FRAS1: variants seen among roughly 807,000 people sequenced by gnomAD.
FRAS1 encodes the protein Fraser extracellular matrix complex subunit 1.
A neutral mutation model predicts 435.2 loss-of-function variants in FRAS1; 290 were observed. The ratio of observed to expected loss-of-function variants is 0.67; its 90% CI spans 0.61 to 0.73. The LOEUF is 0.73. Ranked by LOEUF, FRAS1 falls within the 30% of genes least tolerant of loss-of-function variation. The probability of loss-of-function intolerance (pLI) is 0.00; values close to 1 mark genes in which losing one functional copy is unlikely to be tolerated. For missense variants in FRAS1, 4,860 were observed against 5,001.5 expected (o/e 0.97, Z 0.85); for synonymous variants, 1,800 against 1,851.0 (o/e 0.97, Z 0.71).
At chr4:78,479,956 G>C (rs1267566023) in intron 56 of FRAS1, among the ~76,000 whole-genome samples, 1 of 152,102 alleles carries the variant, frequency 6.6e-6, no homozygotes, top group East Asian at 1.9e-4. Flanking sequence ...TGGGTACATA[G>C]TAAGTGTATA....
chr4:78,267,391 A>T lies in FRAS1; in HGVS notation c.940A>T (p.Thr314Ser), dbSNP rs1726419487. 2 of 1,613,770 alleles carry T rather than the reference A, an allele frequency of 1.2e-6. No homozygotes were observed. Among genetic ancestry groups the T allele is most frequent in the Non-Finnish European group, 1.7e-6 (2 of 1,179,854 alleles). Residue 314 changes from threonine (T) to serine (S), a missense_variant, in exon 9 of 74, where the codon ACC (threonine) becomes TCC (serine). Transcript: ENST00000512123. ...EFCMCDHGQV[T>S]CQTGECAKVE... ...CTGCATGTGTGATCATGGCCAAGTG[A>T]CCTGCCAGACTGGAGAGTGTGCCAA...
chr4:78,446,203 G>C, intron 42 of FRAS1: 16 of 997,286 alleles, frequency 1.6e-5, no homozygotes, highest in Non-Finnish European at 1.8e-5. Flanking sequence ...ATAAATCTCA[G>C]AATGAAATAC....
intron 61 of FRAS1, among the ~76,000 whole-genome samples, chr4:78,500,293 T>C (rs1053259261): frequency 6.6e-6 from 1 of 152,202 alleles, no homozygotes; most frequent in African/African-American, 2.4e-5. Flanking sequence ...TTACTACATC[T>C]GAAAGGCACA....
intron 69 of FRAS1, among the ~76,000 whole-genome samples, chr4:78,524,386 C>T (rs10006660): frequency 0.37 from 56,134 of 152,016 alleles, 10,580 homozygotes; most frequent in South Asian, 0.54. Flanking sequence ...ATATCAAGAC[C>T]GTAGTTGTTC....
intron 47 of FRAS1, among the ~76,000 whole-genome samples, chr4:78,458,006 C>A (rs1719258072): frequency 6.6e-6 from 1 of 152,164 alleles, no homozygotes; most frequent in Non-Finnish European, 1.5e-5. Flanking sequence ...GCCCGTGTGG[C>A]TTGGACAGAT....
At chr4:78,190,631 ATTCCC>A (rs550088968) in intron 2 of FRAS1, among the ~76,000 whole-genome samples, 91 of 90,474 alleles carry the variant, frequency 1.0e-3, no homozygotes, top group African/African-American at 3.7e-3. Flanking sequence ...CTTCCCTTCC[ATTCCC>A]TTCCCTTCCC....
At chr4:78,500,422 A>G (rs1164230053) in intron 61 of FRAS1, among the ~76,000 whole-genome samples, 2 of 152,222 alleles carry the variant, frequency 1.3e-5, no homozygotes, top group African/African-American at 4.8e-5. Flanking sequence ...CGTTCAGGTC[A>G]TAGATCACAG....
chr4:78,063,837 T>G (rs1739869393), intron 1 of FRAS1, among the ~76,000 whole-genome samples: 1 of 152,200 alleles, frequency 6.6e-6, no homozygotes, highest in Non-Finnish European at 1.5e-5. Flanking sequence ...AAATTTTGTT[T>G]GTGTTTTTTC....
chr4:78,057,673 G>C lies in FRAS1; in HGVS notation c.-337G>C, dbSNP rs1739532062. The C allele has an allele frequency of 2.7e-6, 1 of 375,274 alleles. No individual in the cohort carries two copies. The highest frequency in any genetic ancestry group is 4.2e-5 in the Admixed American group (1 of 24,080). 23.2% of individuals were successfully genotyped at this position (375,274 alleles called of 1,614,324 possible). On this transcript the variant is annotated 5_prime_UTR_variant, in exon 1 of 74. Transcript: ENST00000512123. This position sits in a 1 kb window ranked among gnomAD's most constrained non-coding sequence, Gnocchi z 4.2. The stretch of plus-strand genomic sequence containing the variant: ...GAGGGAAATGCTGGAAGATCCCATC[G>C]GCCAGTGACCAGCAACTTTCCGGCG...
rs997104105 is a variant in FRAS1, at chr4:78,438,958, C to T, written c.5423C>T (p.Ser1808Phe). 3.5e-5 allele frequency: 56 copies of T among 1,612,878 alleles called. No individual in the cohort carries two copies. Among genetic ancestry groups the T allele is most frequent in the Non-Finnish European group, 4.7e-5 (56 of 1,179,498 alleles). Reference sequence around the variant, plus strand: ...CTGGTTACTGATAGCTTCTATTTCTCTGTCTCTGACATGGACCACAACCAT... The same window carrying T: ...CTGGTTACTGATAGCTTCTATTTCTTTGTCTCTGACATGGACCACAACCAT... ...GHLVTDSFYF[S>F]VSDMDHNHLD... Residue 1808 changes from serine to phenylalanine, a missense_variant, in exon 40 of 74, where the codon TCT (serine) becomes TTT (phenylalanine). Coordinates refer to ENST00000512123, the MANE Select transcript of FRAS1 (RefSeq NM_025074.7).
At chr4:78,540,494 T>C (rs745724267) in intron 73 of FRAS1, 37 bp from the exon 74 acceptor site, 2 of 1,371,938 alleles carry the variant, frequency 1.5e-6, no homozygotes, top group Middle Eastern at 1.9e-4. Context: ...AGGTGGTCTG[T>C]GGGCAACAAC....
At chr4:78,116,632 A>G (rs1488440790) in intron 2 of FRAS1, among the ~76,000 whole-genome samples, 7 of 152,060 alleles carry the variant, frequency 4.6e-5, no homozygotes, top group African/African-American at 1.4e-4. Context: ...AGTCTGTTTT[A>G]TCAGAGACTA....
intron 2 of FRAS1, among the ~76,000 whole-genome samples, chr4:78,092,660 G>A (rs1217866674): frequency 6.6e-6 from 1 of 152,184 alleles, no homozygotes; most frequent in Non-Finnish European, 1.5e-5. Flanking sequence ...CCATATCATA[G>A]GCATTTCATA....
rs1721038454 is a variant in FRAS1 at position 78,511,489 on chromosome 4, T to C, written c.9996T>C (p.His3332=). 1.9e-6 allele frequency: 3 copies of C among 1,613,448 alleles called. No individual in the cohort carries two copies. The East Asian group carries it at 6.7e-5, about 36-fold the overall frequency. Residue 3332 remains histidine, a synonymous_variant, in exon 64 of 74, where the codon CAT becomes CAC. Coordinates refer to ENST00000512123, the MANE Select transcript of FRAS1 (RefSeq NM_025074.7). ...CCTTGAAATACCTGGATGTCAAACA[T>C]AAGGAGCATCCGAACAGGTCAGGCA... is the stretch of plus-strand genomic sequence containing the variant. ...IATLKYLDVK[H]KEHPNRIHIS... is the part of the protein sequence containing the mutation.
chr4:78,436,614 T>G (rs1359502389), intron 38 of FRAS1, among the ~76,000 whole-genome samples: 4 of 152,096 alleles, frequency 2.6e-5, no homozygotes, highest in African/African-American at 9.7e-5. Flanking sequence ...TGACAGAATA[T>G]TAGCGAACCT....
chr4:78,210,770 C>T (rs1723470340), intron 2 of FRAS1, among the ~76,000 whole-genome samples: 1 of 152,196 alleles, frequency 6.6e-6, no homozygotes, highest in South Asian at 2.1e-4. Context: ...ATACAATCAT[C>T]ACAGAGCAGG....
chr4:78,304,553 G>T (rs543263164), intron 14 of FRAS1, among the ~76,000 whole-genome samples: 22 of 151,896 alleles, frequency 1.4e-4, no homozygotes, highest in African/African-American at 5.1e-4. Context: ...TCCTGTTATT[G>T]GTCTATTCAG....
chr4:78,083,860 A>G (rs149714376), intron 2 of FRAS1, among the ~76,000 whole-genome samples: 157 of 152,130 alleles, frequency 1.0e-3, no homozygotes, highest in African/African-American at 3.5e-3. Flanking sequence ...TTGATACTCT[A>G]TCATTGCTTC....
chr4:78,123,665 T>G lies in FRAS1; in HGVS notation c.108+57649T>G, dbSNP rs192062361. 1.1e-4 allele frequency among the ~76,000 whole-genome samples: 16 copies of G among 152,352 alleles called. No homozygotes were observed. The East Asian group carries it at 3.1e-3, about 29-fold the overall frequency. On this transcript the variant is annotated intron_variant, in intron 2 of 73. Transcript: ENST00000512123. ...TCTCTTATTTTCTTGAGCAGTGGTTTGTAGTTCTCCTTGAAGAGGTCCTTC... is the reference window on the plus strand; with the variant it reads ...TCTCTTATTTTCTTGAGCAGTGGTTGGTAGTTCTCCTTGAAGAGGTCCTTC...
Sources: gnomAD v4.1 joint callset for allele counts (sites outside exome capture counted in the v4.1 genomes callset) on GRCh38, gnomAD v4.1.1 for gene constraint, Gnocchi (gnomAD v3.1) non-coding constraint, MANE v1.5 for transcripts, NCBI Gene and HGNC (gene_info 2026-07-23, HGNC 2026-07-21) for gene names.